Variants in DYNC2H1 observed in about 807,000 individuals in gnomAD.
The protein encoded by DYNC2H1 is cytoplasmic dynein 2 heavy chain 1.
A neutral mutation model predicts 570.0 loss-of-function variants in DYNC2H1; 410 were observed. The ratio of observed to expected loss-of-function variants is 0.72; its 90% CI spans 0.66 to 0.78. The LOEUF (loss-of-function observed/expected upper bound fraction) is 0.78, where lower values mean the gene tolerates loss of function less well. Ranked by LOEUF, DYNC2H1 falls within the 30% of genes least tolerant of loss-of-function variation. DYNC2H1 has a pLI of 0.00. For synonymous variants in DYNC2H1, 1,688 were observed against 1,677.6 expected (o/e 1.01, Z -0.15); for missense variants, 4,865 against 5,046.4 (o/e 0.96, Z 1.09).
At chr11:103,378,421 A>T in intron 83 of DYNC2H1, among the ~76,000 whole-genome samples, 1 of 152,186 alleles carries the variant, frequency 6.6e-6, no homozygotes, top group East Asian at 1.9e-4. Flanking sequence ...TTAAAGAGAA[A>T]TCAATACACT....
intron 82 of DYNC2H1, among the ~76,000 whole-genome samples, chr11:103,355,002 C>T (rs1421441302): frequency 6.6e-6 from 1 of 152,006 alleles, no homozygotes; most frequent in African/African-American, 2.4e-5. Context: ...ATAGTAATAA[C>T]TCTGAATAGG....
Position 103,296,872 on chromosome 11 carries a change from A to G in DYNC2H1, c.11096-6221A>G, listed in dbSNP as rs983839383. ...AACTCAAAATTGTTCATTTCTTTCT[A>G]GAACACATTCTTCTCTTGATTGTTA... On this transcript the variant is annotated intron_variant, in intron 75 of 88. Coordinates refer to ENST00000375735, the MANE Select transcript of DYNC2H1 (RefSeq NM_001377.3). Among the ~76,000 whole-genome samples the G allele has an allele frequency of 1.6e-4, 25 of 151,982 alleles. 1 individual carries two copies. The highest frequency in any genetic ancestry group is 5.9e-5 in the Non-Finnish European group (4 of 67,978).
intron 82 of DYNC2H1, among the ~76,000 whole-genome samples, chr11:103,348,633 T>A (rs1444449112): frequency 2.0e-5 from 3 of 152,188 alleles, no homozygotes; most frequent in African/African-American, 7.2e-5. Context: ...TTAGGAGCTT[T>A]TCCTTTTTAT....
At chr11:103,219,453 A>C (rs965580079) in intron 55 of DYNC2H1, among the ~76,000 whole-genome samples, 4 of 152,080 alleles carry the variant, frequency 2.6e-5, no homozygotes, top group African/African-American at 7.2e-5. Context: ...CTCTACTAAA[A>C]CTATAAAAAT....
Position 103,155,403 on chromosome 11 carries a change from C to G in DYNC2H1, c.3646C>G (p.Leu1216Val). ...AGATCACTGGCTTGACCTTTTTCGT[C>G]TCCTTGGACTTCCTAGGGGGACTAG... ...SPDHWLDLFR[L>V]LGLPRGTSLE... Residue 1216 changes from leucine (L) to valine (V), a missense_variant, in exon 25 of 89, where the codon CTC (leucine) becomes GTC (valine). This residue lies in a region of DYNC2H1 where 1,936 missense variants were observed against 1,962.1 expected (regional missense o/e 0.99). Transcript: ENST00000375735. 6.2e-7 allele frequency: 1 copy of G among 1,611,166 alleles called. No individual in the cohort carries two copies. The highest frequency in any genetic ancestry group is 8.5e-7 in the Non-Finnish European group (1 of 1,178,714).
intron 83 of DYNC2H1, among the ~76,000 whole-genome samples, chr11:103,359,286 T>C (rs936418499): frequency 6.6e-6 from 1 of 152,222 alleles, no homozygotes; most frequent in Non-Finnish European, 1.5e-5. Flanking sequence ...CAGCTCATAT[T>C]GCTAAGTGTG....
rs559516539 is a variant in DYNC2H1 at position 103,465,867 on chromosome 11, C to T, written c.12649-2722C>T. On this transcript the variant is annotated intron_variant, in intron 87 of 88. Coordinates refer to ENST00000375735, the MANE Select transcript of DYNC2H1 (RefSeq NM_001377.3). The surrounding 1 kb of genome is among the most constrained non-coding windows in gnomAD (Gnocchi z 4.9). ...TCAGAAGTTGCTTAAAGTCCTACCA[C>T]ATTCTATTGGTCAAAGCAATTTAAA... Among the ~76,000 whole-genome samples the T allele has an allele frequency of 3.0e-4, 45 of 152,248 alleles. No homozygotes were observed. Among genetic ancestry groups the T allele is most frequent in the Admixed American group, 2.7e-3 (42 of 15,296 alleles).
At chr11:103,337,404 C>T (rs1424338594) in intron 82 of DYNC2H1, among the ~76,000 whole-genome samples, 1 of 152,140 alleles carries the variant, frequency 6.6e-6, no homozygotes, top group Non-Finnish European at 1.5e-5. Context: ...TATGACCAAG[C>T]TGGTCTTGGC....
At chr11:103,119,986 A>G (rs1858613644) in intron 6 of DYNC2H1, among the ~76,000 whole-genome samples, 3 of 152,188 alleles carry the variant, frequency 2.0e-5, no homozygotes, top group Admixed American at 1.3e-4. Context: ...AAAATACAAT[A>G]TGTGTTTCCC....
chr11:103,364,039 A>G (rs1940779783), intron 83 of DYNC2H1, among the ~76,000 whole-genome samples: 1 of 152,194 alleles, frequency 6.6e-6, no homozygotes, highest in Admixed American at 6.5e-5. Context: ...TATTCTAGAT[A>G]TCTGACAGAG....
chr11:103,443,361 T>C (rs532564152), intron 85 of DYNC2H1, among the ~76,000 whole-genome samples: 5 of 152,134 alleles, frequency 3.3e-5, no homozygotes, highest in Admixed American at 6.5e-5. Context: ...AAAGTAGTGA[T>C]TGGTTTTATT....
intron 52 of DYNC2H1, among the ~76,000 whole-genome samples, chr11:103,206,950 C>A (rs944710911): frequency 1.3e-5 from 2 of 151,884 alleles, no homozygotes; most frequent in Non-Finnish European, 2.9e-5. Context: ...AAGACAGAGT[C>A]TTGCTCTGTC....
intron 1 of DYNC2H1, among the ~76,000 whole-genome samples, chr11:103,112,683 G>C (rs914739014): frequency 6.6e-6 from 1 of 152,146 alleles, no homozygotes; most frequent in African/African-American, 2.4e-5. Context: ...TAATTATTTG[G>C]ATAGAAATAA....
chr11:103,428,259 G>GA (rs1441124622), intron 84 of DYNC2H1, among the ~76,000 whole-genome samples: 1 of 148,888 alleles, frequency 6.7e-6, no homozygotes, highest in Admixed American at 6.7e-5. Flanking sequence ...CTTGCAGTTG[G>GA]ATGATGTAAT....
chr11:103,373,186 T>C (rs1295044586), intron 83 of DYNC2H1, among the ~76,000 whole-genome samples: 1 of 152,160 alleles, frequency 6.6e-6, no homozygotes, highest in African/African-American at 2.4e-5. Context: ...CTGCCCATTT[T>C]GGCCTCCCAA....
chr11:103,427,528 A>G (rs2514418), intron 84 of DYNC2H1, among the ~76,000 whole-genome samples: 84,410 of 151,990 alleles, frequency 0.56, 24,081 homozygotes, highest in East Asian at 0.72. Flanking sequence ...ACAACAAAAT[A>G]CTGTAGACTA....
rs1393201858 is a variant in DYNC2H1, at chr11:103,151,458, A to G, written c.2947-678A>G. ...CATACTGATATTTAAAAATGTTTAA[A>G]TGGATTTTATTGCTTTATTGAATAG... On this transcript the variant is annotated intron_variant, in intron 20 of 88. Transcript: ENST00000375735. The surrounding 1 kb of genome is among the most constrained non-coding windows in gnomAD (Gnocchi z 4.6). 3.9e-5 allele frequency among the ~76,000 whole-genome samples: 6 copies of G among 152,154 alleles called. No individual in the cohort carries two copies. The highest frequency in any genetic ancestry group is 1.9e-4 in the East Asian group (1 of 5,194).
At chr11:103,272,280 G>A (rs966569754) in intron 70 of DYNC2H1, among the ~76,000 whole-genome samples, 1 of 152,180 alleles carries the variant, frequency 6.6e-6, no homozygotes, top group African/African-American at 2.4e-5. Flanking sequence ...GTAGGGACAT[G>A]GATGAAGCTG....
intron 70 of DYNC2H1, among the ~76,000 whole-genome samples, chr11:103,265,130 A>G (rs1352239981): frequency 6.6e-6 from 1 of 152,142 alleles, no homozygotes; most frequent in Non-Finnish European, 1.5e-5. Context: ...CAAACACCAC[A>G]TGTTCTCACA....
Sources: gnomAD v4.1 joint callset for allele counts (sites outside exome capture counted in the v4.1 genomes callset) on GRCh38, gnomAD v4.1.1 for gene constraint, gnomAD v4.1.1 regional missense constraint, Gnocchi (gnomAD v3.1) non-coding constraint, MANE v1.5 for transcripts, NCBI Gene and HGNC (gene_info 2026-07-23, HGNC 2026-07-21) for gene names.